The following COMMD10 variants were observed in gnomAD, a reference collection of about 807,000 sequenced individuals.
COMMD10 encodes the protein COMM domain containing 10.
A neutral mutation model predicts 28.9 loss-of-function variants in COMMD10; 33 were observed. That is an observed-to-expected ratio of 1.14 (90% CI 0.87 to 1.53). The LOEUF (loss-of-function observed/expected upper bound fraction) is 1.53. Ranked by LOEUF, COMMD10 falls within the 40% of genes most tolerant of loss-of-function variation. The pLI, the probability that COMMD10 is intolerant of heterozygous loss-of-function variation, is 0.00. For missense variants in COMMD10, 310 were observed against 233.4 expected (o/e 1.33, Z -2.14); for synonymous variants, 110 against 81.7 (o/e 1.35, Z -1.87).
intron 5 of COMMD10, among the ~76,000 whole-genome samples, chr5:116,150,332 C>T (rs1364472708): frequency 6.6e-6 from 1 of 152,064 alleles, no homozygotes; most frequent in Non-Finnish European, 1.5e-5. Flanking sequence ...ATTGACTTGG[C>T]AATGCGGGCT....
chr5:116,223,119 A>G (rs1359459818), intron 5 of COMMD10, among the ~76,000 whole-genome samples: 3 of 151,968 alleles, frequency 2.0e-5, no homozygotes, highest in Admixed American at 2.0e-4. Context: ...TGAAGTTGCT[A>G]TTTTTCACTA....
intron 5 of COMMD10, among the ~76,000 whole-genome samples, chr5:116,289,300 G>T (rs1002959606): frequency 5.3e-5 from 8 of 151,716 alleles, no homozygotes; most frequent in Non-Finnish European, 7.4e-5. Context: ...CTTTGATTAG[G>T]CCATATTTCC....
At chr5:116,215,700 ATAT>A (rs1279086565) in intron 5 of COMMD10, among the ~76,000 whole-genome samples, 1 of 7,314 alleles carries the variant, frequency 1.4e-4, no homozygotes, top group Non-Finnish European at 2.0e-4. Flanking sequence ...AAAGAAATAT[ATAT>A]ATATATATAT....
At chr5:116,206,586 A>G (rs1197802453) in intron 5 of COMMD10, among the ~76,000 whole-genome samples, 1 of 152,118 alleles carries the variant, frequency 6.6e-6, no homozygotes, top group Non-Finnish European at 1.5e-5. Flanking sequence ...CGGGAGGCAG[A>G]GATTGCAGAG....
At chr5:116,199,169 G>A (rs749918639) in intron 5 of COMMD10, among the ~76,000 whole-genome samples, 1 of 152,052 alleles carries the variant, frequency 6.6e-6, no homozygotes, top group Non-Finnish European at 1.5e-5. Context: ...GTGTGTAGTA[G>A]TTTCTCATTT....
intron 5 of COMMD10, among the ~76,000 whole-genome samples, chr5:116,213,219 C>A (rs1177534704): frequency 6.6e-6 from 1 of 152,050 alleles, no homozygotes; most frequent in Non-Finnish European, 1.5e-5. Context: ...TTAATGATTA[C>A]TACTAAAGCA....
chr5:116,288,910 C>G (rs1390565845), intron 5 of COMMD10, among the ~76,000 whole-genome samples: 1 of 107,168 alleles, frequency 9.3e-6, no homozygotes, highest in Non-Finnish European at 1.8e-5. Context: ...GTGAGACAGT[C>G]TCACTTTACC....
At chr5:116,279,205 G>A (rs532184578) in intron 5 of COMMD10, among the ~76,000 whole-genome samples, 2 of 151,908 alleles carry the variant, frequency 1.3e-5, no homozygotes, top group East Asian at 3.9e-4. Flanking sequence ...AGTGCATTAA[G>A]AGGATATTGA....
At chr5:116,241,693 T>C (rs1561387778) in intron 5 of COMMD10, among the ~76,000 whole-genome samples, 1 of 151,874 alleles carries the variant, frequency 6.6e-6, no homozygotes, top group African/African-American at 2.4e-5. Flanking sequence ...GCTCACTGAA[T>C]GCTCCGCCTC....
intron 5 of COMMD10, among the ~76,000 whole-genome samples, chr5:116,193,019 C>G (rs1748410764): frequency 6.6e-6 from 1 of 152,220 alleles, no homozygotes. Context: ...AGCCTCCTCA[C>G]ACAAAACAAT....
chr5:116,238,707 G>A (rs186497218), intron 5 of COMMD10, among the ~76,000 whole-genome samples: 1 of 152,254 alleles, frequency 6.6e-6, no homozygotes, highest in East Asian at 1.9e-4. Flanking sequence ...CTGGCAACAA[G>A]ATGAAAATCT....
At chr5:116,215,863 T>A (rs4921080) in intron 5 of COMMD10, among the ~76,000 whole-genome samples, 145,695 of 149,056 alleles carry the variant, frequency 0.98, 71,290 homozygotes, top group South Asian at 1. Flanking sequence ...TAAAAAAAAA[T>A]TAACATTGCT....
chr5:116,211,872 C>G (rs1748974567), intron 5 of COMMD10, among the ~76,000 whole-genome samples: 1 of 152,032 alleles, frequency 6.6e-6, no homozygotes, highest in Non-Finnish European at 1.5e-5. Context: ...AACATACATA[C>G]AAAACAATGA....
chr5:116,241,840 A>C (rs1189557009), intron 5 of COMMD10, among the ~76,000 whole-genome samples: 1 of 151,750 alleles, frequency 6.6e-6, no homozygotes, highest in Non-Finnish European at 1.5e-5. Context: ...GATGGTCTCT[A>C]TCTCCTGACC....
chr5:116,269,203 C>G (rs1343268806), intron 5 of COMMD10, among the ~76,000 whole-genome samples: 3 of 151,760 alleles, frequency 2.0e-5, no homozygotes. Flanking sequence ...ACAAACAAAA[C>G]CTGTACAGAA....
chr5:116,199,215 G>A (rs1748602902), intron 5 of COMMD10, among the ~76,000 whole-genome samples: 1 of 152,116 alleles, frequency 6.6e-6, no homozygotes. Context: ...GACATACGGT[G>A]TGGAGCATCT....
chr5:116,246,874 C>G (rs1405526689), intron 5 of COMMD10, among the ~76,000 whole-genome samples: 1 of 152,032 alleles, frequency 6.6e-6, no homozygotes, highest in Non-Finnish European at 1.5e-5. Flanking sequence ...TATAAAACCC[C>G]TGGAAGACAA....
chr5:116,132,910 A>G (rs534905176), intron 4 of COMMD10, among the ~76,000 whole-genome samples: 140 of 152,114 alleles, frequency 9.2e-4, no homozygotes, highest in African/African-American at 3.1e-3. Flanking sequence ...TTTACCCATA[A>G]CCTCTAAAAG....
intron 1 of COMMD10, among the ~76,000 whole-genome samples, chr5:116,086,860 C>A (rs868200065): frequency 6.6e-6 from 1 of 152,160 alleles, no homozygotes; most frequent in African/African-American, 2.4e-5. Flanking sequence ...GCATGTAGTT[C>A]TAGCTACTTG....
Sources: allele counts gnomAD v4.1 joint callset (sites outside exome capture counted in the v4.1 genomes callset), GRCh38; gene constraint gnomAD v4.1.1; transcripts MANE v1.5; gene names NCBI Gene and HGNC (gene_info 2026-07-23, HGNC 2026-07-21).